Variants in CTBP2 observed in about 807,000 individuals in gnomAD.
CTBP2 encodes C-terminal-binding protein 2.
A neutral mutation model predicts 80.3 loss-of-function variants in CTBP2; 30 were observed. The ratio of observed to expected loss-of-function variants is 0.37; its 90% CI spans 0.28 to 0.51. CTBP2 has a LOEUF of 0.51. Ranked by LOEUF, CTBP2 falls within the 20% of genes least tolerant of loss-of-function variation. The pLI is 0.93. For missense variants in CTBP2, 1,212 were observed against 1,375.3 expected (o/e 0.88, Z 1.88); for synonymous variants, 594 against 587.4 (o/e 1.01, Z -0.16).
chr10:125,013,867 C>T (rs960066500), intron 1 of CTBP2, among the ~76,000 whole-genome samples: 10 of 152,194 alleles, frequency 6.6e-5, no homozygotes, highest in East Asian at 5.8e-4. Flanking sequence ...CATCATCAGG[C>T]CTGGCCCTAG....
At chr10:125,078,389 G>T (rs980599295) in intron 2 of CTBP2, among the ~76,000 whole-genome samples, 10 of 151,932 alleles carry the variant, frequency 6.6e-5, no homozygotes, top group African/African-American at 2.4e-4. Context: ...ATAGGTCCAA[G>T]AAGATTATTT....
At chr10:125,006,685 G>C (rs1955285730) in intron 1 of CTBP2, among the ~76,000 whole-genome samples, 1 of 152,184 alleles carries the variant, frequency 6.6e-6, no homozygotes, top group African/African-American at 2.4e-5. Flanking sequence ...CTGACCATTT[G>C]AGCAAGTTTT....
chr10:125,120,938 CCTGACT>C (rs1212363179), intron 1 of CTBP2, among the ~76,000 whole-genome samples: 2 of 152,170 alleles, frequency 1.3e-5, no homozygotes, highest in Non-Finnish European at 2.9e-5. Flanking sequence ...GTTCCTTGAC[CCTGACT>C]CTCTCACATT....
exon 3 of CTBP2, chr10:125,039,120 T>C: frequency 1.4e-6 from 2 of 1,435,780 alleles, no homozygotes; most frequent in Non-Finnish European, 1.9e-6. Context: ...TTAGGGGAAC[T>C]TGCAGGAGTC....
At chr10:125,131,302 T>C (rs1590979009) in intron 1 of CTBP2, among the ~76,000 whole-genome samples, 1 of 152,346 alleles carries the variant, frequency 6.6e-6, no homozygotes, top group Non-Finnish European at 1.5e-5. Flanking sequence ...GCTGCAATTT[T>C]ACAGCCCGAC....
At chr10:125,127,885 C>T (rs1309510598) in intron 1 of CTBP2, among the ~76,000 whole-genome samples, 3 of 152,182 alleles carry the variant, frequency 2.0e-5, no homozygotes, top group Non-Finnish European at 4.4e-5. Flanking sequence ...AATTTTGGCC[C>T]TCCCCCAATC....
intron 2 of CTBP2, among the ~76,000 whole-genome samples, chr10:125,110,428 T>C (rs1852112755): frequency 6.6e-6 from 1 of 152,090 alleles, no homozygotes; most frequent in Middle Eastern, 3.2e-3. Flanking sequence ...GTGGTAGGGA[T>C]TGAATGCTCA....
intron 1 of CTBP2, among the ~76,000 whole-genome samples, chr10:125,114,362 G>T (rs1481862144): frequency 2.6e-5 from 4 of 152,066 alleles, no homozygotes; most frequent in African/African-American, 9.7e-5. Context: ...CTGATGACAG[G>T]GGGGTGTGTA....
intron 2 of CTBP2, among the ~76,000 whole-genome samples, chr10:125,080,916 C>G (rs1042185414): frequency 6.6e-6 from 1 of 151,146 alleles, no homozygotes; most frequent in Non-Finnish European, 1.5e-5. Context: ...CATACCCAGA[C>G]CTGGTATGTT....
chr10:125,086,668 AG>A lies in CTBP2; in HGVS notation c.-102+24321del, dbSNP rs1236966837. On this transcript the variant is annotated intron_variant, in intron 2 of 10. Coordinates refer to the CTBP2 transcript ENST00000337195. Reference sequence around the variant, plus strand: ...TCTCATTTGACCCTTCCACATAGCGAGAGAGTACCGTCTCTGAACCAGAACT... The same window carrying A: ...TCTCATTTGACCCTTCCACATAGCGAAGAGTACCGTCTCTGAACCAGAACT... Among the ~76,000 whole-genome samples the A allele has an allele frequency of 8.6e-5, 13 of 151,364 alleles. No individual in the cohort carries two copies. The South Asian group carries it at 2.5e-3, about 29-fold the overall frequency.
chr10:125,001,727 G>A (rs1954535728), intron 3 of CTBP2, among the ~76,000 whole-genome samples: 1 of 152,192 alleles, frequency 6.6e-6, no homozygotes, highest in Admixed American at 6.5e-5. Flanking sequence ...TGTACGGGCA[G>A]CTCCCTGCTC....
At chr10:125,128,705 C>G (rs771808640) in intron 1 of CTBP2, among the ~76,000 whole-genome samples, 1 of 152,222 alleles carries the variant, frequency 6.6e-6, no homozygotes, top group Non-Finnish European at 1.5e-5. Flanking sequence ...TAGCTGACTT[C>G]CATACATGAT....
chr10:125,070,837 G>GT (rs36016010), intron 2 of CTBP2, among the ~76,000 whole-genome samples: 63,181 of 151,794 alleles, frequency 0.42, 13,338 homozygotes, highest in South Asian at 0.56. Context: ...GGCTAATTTT[G>GT]TATTTTTAGT....
At chr10:125,137,759 T>C (rs1565013265) in intron 1 of CTBP2, among the ~76,000 whole-genome samples, 1 of 152,260 alleles carries the variant, frequency 6.6e-6, no homozygotes, top group Non-Finnish European at 1.5e-5. Flanking sequence ...TGCCAGCCTC[T>C]AGCAATCACC....
At chr10:125,114,649 A>G (rs1564952040) in intron 1 of CTBP2, among the ~76,000 whole-genome samples, 2 of 152,184 alleles carry the variant, frequency 1.3e-5, no homozygotes, top group Admixed American at 6.5e-5. Context: ...GAAGCCTTCA[A>G]TGAGCCCTAA....
rs552336821 is a variant in CTBP2, at chr10:125,126,557, C to T, written c.-205-15464G>A. Among the ~76,000 whole-genome samples the T allele has an allele frequency of 1.2e-3, 181 of 152,274 alleles. No individual in the cohort carries two copies. The Middle Eastern group carries it at 0.014, about 11-fold the overall frequency. ...CAAAGGCAGAAAGCCACAGATGAAC[C>T]GAAATACATGGCAGGGCCAGGCCCG... On this transcript the variant is annotated intron_variant, in intron 1 of 10. Transcript: ENST00000337195.
At chr10:125,003,541 A>C (rs1954826319) in intron 1 of CTBP2, 49 bp from the exon 4 acceptor site, 3 of 1,452,144 alleles carry the variant, frequency 2.1e-6, no homozygotes, top group Non-Finnish European at 2.8e-6. Flanking sequence ...CTGGGGCCAC[A>C]GGGTGCGTGG....
chr10:125,067,025 A>G (rs1196112191), intron 2 of CTBP2, among the ~76,000 whole-genome samples: 1 of 152,186 alleles, frequency 6.6e-6, no homozygotes, highest in Non-Finnish European at 1.5e-5. Flanking sequence ...CTACTGATGG[A>G]CAACCAGACA....
chr10:125,133,875 A>G (rs1252024337), intron 1 of CTBP2, among the ~76,000 whole-genome samples: 1 of 152,212 alleles, frequency 6.6e-6, no homozygotes, highest in East Asian at 1.9e-4. Context: ...TCAGCCGACC[A>G]TGTGGAAAAC....
Sources: allele counts gnomAD v4.1 joint callset (sites outside exome capture counted in the v4.1 genomes callset), GRCh38; gene constraint gnomAD v4.1.1; transcripts MANE v1.5; gene names NCBI Gene and HGNC (gene_info 2026-07-23, HGNC 2026-07-21).